EYA1: variants seen among roughly 807,000 people sequenced by gnomAD.
EYA1 encodes the protein EYA transcriptional coactivator and phosphatase 1.
In EYA1, 16 loss-of-function variants were observed where a neutral mutation model predicts 82.0. The observed-to-expected ratio is 0.20, with a 90% CI of 0.13 to 0.30. EYA1 has a LOEUF of 0.30. Ranked by LOEUF, EYA1 falls within the 10% of genes least tolerant of loss-of-function variation. The pLI, the probability that EYA1 is intolerant of heterozygous loss-of-function variation, is 1.00. For synonymous variants in EYA1, 261 were observed against 264.4 expected (o/e 0.99, Z 0.12); for missense variants, 633 against 730.7 (o/e 0.87, Z 1.54).
chr8:71,540,024 G>A (rs994293355), intron 1 of EYA1, among the ~76,000 whole-genome samples: 1 of 152,110 alleles, frequency 6.6e-6, no homozygotes, highest in African/African-American at 2.4e-5. Context: ...GAGTTCAGAG[G>A]TGCATATTTG....
At chr8:71,324,695 A>T (rs1822952248) in intron 4 of EYA1, among the ~76,000 whole-genome samples, 1 of 152,200 alleles carries the variant, frequency 6.6e-6, no homozygotes, top group Admixed American at 6.5e-5. Context: ...AATTGAACCC[A>T]GGTCTGCCTA....
intron 2 of EYA1, among the ~76,000 whole-genome samples, chr8:71,502,391 T>C (rs1383303358): frequency 6.6e-6 from 1 of 152,234 alleles, no homozygotes; most frequent in Non-Finnish European, 1.5e-5. Flanking sequence ...CCACCAATAC[T>C]GGCAGAGCTA....
chr8:71,368,744 T>C (rs1407278282), intron 2 of EYA1, among the ~76,000 whole-genome samples: 3 of 152,000 alleles, frequency 2.0e-5, no homozygotes, highest in African/African-American at 7.2e-5. Context: ...TCACCACAAA[T>C]AAATGTATTC....
At chr8:71,484,153 C>T (rs752747457) in intron 2 of EYA1, among the ~76,000 whole-genome samples, 1 of 152,164 alleles carries the variant, frequency 6.6e-6, no homozygotes, top group Non-Finnish European at 1.5e-5. Flanking sequence ...CACCTGTGCC[C>T]ATCCCTGCAG....
At chr8:71,506,896 T>A (rs997758654) in intron 2 of EYA1, among the ~76,000 whole-genome samples, 5 of 150,210 alleles carry the variant, frequency 3.3e-5, no homozygotes, top group African/African-American at 1.2e-4. Context: ...AGCAACAGAC[T>A]GCAAAGATAC....
At chr8:71,321,979 T>C in intron 5 of EYA1, 100 bp from the exon 6 acceptor site, 2 of 1,508,326 alleles carry the variant, frequency 1.3e-6, no homozygotes, top group Non-Finnish European at 1.8e-6. Context: ...AAATATTGTA[T>C]CTTAAAGTAA....
chr8:71,290,871 ATC>A lies in EYA1; in HGVS notation c.826+8174_826+8175del, dbSNP rs377337756. ...ACAAACCCAACAACCCAAAACAAAC[ATC>A]TGTTTTGTTTTCTCACATCTTAATA... On this transcript the variant is annotated intron_variant, in intron 9 of 17. Coordinates refer to ENST00000340726, the MANE Select transcript of EYA1 (RefSeq NM_000503.6). Among the ~76,000 whole-genome samples the A allele has an allele frequency of 2.7e-3, 417 of 152,260 alleles. 1 individual carries two copies. The highest frequency in any genetic ancestry group is 9.7e-3 in the African/African-American group (403 of 41,552).
intron 2 of EYA1, among the ~76,000 whole-genome samples, chr8:71,370,278 T>C (rs1828003413): frequency 6.6e-6 from 1 of 151,366 alleles, no homozygotes; most frequent in Non-Finnish European, 1.5e-5. Context: ...ATTTTCAAAT[T>C]TTGCACCTTT....
chr8:71,451,305 A>G (rs1013990822), intron 2 of EYA1, among the ~76,000 whole-genome samples: 2 of 152,228 alleles, frequency 1.3e-5, no homozygotes, highest in Non-Finnish European at 2.9e-5. Context: ...AAATATATAA[A>G]CAGAAGAATA....
At chr8:71,496,691 TAAAAG>T (rs1811439085) in intron 2 of EYA1, among the ~76,000 whole-genome samples, 1 of 152,204 alleles carries the variant, frequency 6.6e-6, no homozygotes, top group Non-Finnish European at 1.5e-5. Flanking sequence ...CTTGGTAGCC[TAAAAG>T]AGTTACAGCA....
intron 4 of EYA1, among the ~76,000 whole-genome samples, chr8:71,328,009 C>A (rs556029044): frequency 9.2e-5 from 14 of 151,960 alleles, no homozygotes; most frequent in Non-Finnish European, 1.6e-4. Flanking sequence ...GTGCCCGCCA[C>A]CATGCCCGGC....
At chr8:71,354,940 T>C in intron 2 of EYA1, 31 bp from the exon 3 acceptor site, 4 of 1,609,544 alleles carry the variant, frequency 2.5e-6, no homozygotes, top group South Asian at 1.1e-5. Context: ...ATTTGACAGA[T>C]GTACCAAATT....
intron 3 of EYA1, among the ~76,000 whole-genome samples, chr8:71,350,601 T>A (rs1447670711): frequency 6.6e-6 from 1 of 152,170 alleles, no homozygotes; most frequent in Non-Finnish European, 1.5e-5. Context: ...TCCAATTGCA[T>A]CTGGTTTTAC....
At chr8:71,399,030 A>T (rs185793006) in intron 2 of EYA1, among the ~76,000 whole-genome samples, 2 of 152,208 alleles carry the variant, frequency 1.3e-5, no homozygotes, top group African/African-American at 4.8e-5. Flanking sequence ...GCTGCCTTGC[A>T]GTTCAATCTC....
intron 2 of EYA1, among the ~76,000 whole-genome samples, chr8:71,429,631 A>G (rs552080924): frequency 6.6e-6 from 1 of 152,232 alleles, no homozygotes; most frequent in Non-Finnish European, 1.5e-5. Flanking sequence ...TACTCAGAGT[A>G]GGTGCTCAAT....
chr8:71,351,971 A>G (rs1342057091), intron 3 of EYA1, among the ~76,000 whole-genome samples: 8 of 152,160 alleles, frequency 5.3e-5, no homozygotes, highest in East Asian at 1.9e-4. Flanking sequence ...ATTAATTTCT[A>G]TTGGGCTGAG....
At chr8:71,298,197 A>G (rs191025020) in intron 9 of EYA1, among the ~76,000 whole-genome samples, 1 of 152,158 alleles carries the variant, frequency 6.6e-6, no homozygotes, top group Non-Finnish European at 1.5e-5. Context: ...TAATTTTTTC[A>G]ATGTTAAGAC....
At chr8:71,496,982 A>C (rs1563674914) in intron 2 of EYA1, among the ~76,000 whole-genome samples, 1 of 152,164 alleles carries the variant, frequency 6.6e-6, no homozygotes, top group Non-Finnish European at 1.5e-5. Context: ...AGGCAACAAA[A>C]GGAAAAATAA....
intron 12 of EYA1, among the ~76,000 whole-genome samples, chr8:71,220,571 G>A (rs1448258663): frequency 6.6e-6 from 1 of 152,186 alleles, no homozygotes; most frequent in Non-Finnish European, 1.5e-5. Context: ...AGGCTGCTGT[G>A]TTCCAGGTAG....
Sources: gnomAD v4.1 joint callset for allele counts (sites outside exome capture counted in the v4.1 genomes callset) on GRCh38, gnomAD v4.1.1 for gene constraint, MANE v1.5 for transcripts, NCBI Gene and HGNC (gene_info 2026-07-23, HGNC 2026-07-21) for gene names.